The following SEPTIN7 variants were observed in gnomAD, a reference collection of about 807,000 sequenced individuals.
SEPTIN7 encodes the protein septin 7, also known as septin-7.
SEPTIN7 carries 10 observed loss-of-function variants against 63.3 expected under a neutral mutation model. The observed-to-expected ratio is 0.16, with a 90% CI of 0.10 to 0.27. SEPTIN7 has a LOEUF of 0.27. SEPTIN7 is among the 10% of genes least tolerant of loss of function. The pLI is 1.00. For missense variants in SEPTIN7, 310 were observed against 521.0 expected (o/e 0.59, Z 3.94); for synonymous variants, 131 against 165.3 (o/e 0.79, Z 1.59).
intron 12 of SEPTIN7, chr7:35,899,542 A>G (rs1464711910): frequency 6.6e-6 from 1 of 152,096 alleles, no homozygotes; most frequent in African/African-American, 2.4e-5. Flanking sequence ...CTCAAAAAAC[A>G]AACAGACAAA....
intron 10 of SEPTIN7, among the ~76,000 whole-genome samples, chr7:35,887,853 A>T (rs1489172338): frequency 6.6e-6 from 1 of 152,268 alleles, no homozygotes; most frequent in Non-Finnish European, 1.5e-5. Flanking sequence ...AGACAAAGCC[A>T]TCTAGTGGAT....
At position 35,861,092 on chromosome 7, in the gene SEPTIN7, G is replaced by C. The variant is rs185617810; in HGVS notation, c.170-2460G>C. ...TTTTTTCTTTTGCCTACTCAGTTCT[G>C]CTATTGAACCTATATAGTGAAATTT... On this transcript the variant is annotated intron_variant, in intron 3 of 13. Coordinates refer to ENST00000350320, the MANE Select transcript of SEPTIN7 (RefSeq NM_001788.6). Among the ~76,000 whole-genome samples, 5 of 152,028 alleles carry C rather than the reference G, an allele frequency of 3.3e-5. No homozygotes were observed. The East Asian group carries it at 7.7e-4, about 23-fold the overall frequency.
chr7:35,861,778 T>A (rs1785525744), intron 3 of SEPTIN7, among the ~76,000 whole-genome samples: 1 of 152,160 alleles, frequency 6.6e-6, no homozygotes, highest in Non-Finnish European at 1.5e-5. Context: ...GAGGTTAAAA[T>A]GTTACAAGTT....
At chr7:35,850,469 G>GGT (rs984668339) in intron 3 of SEPTIN7, among the ~76,000 whole-genome samples, 1 of 152,094 alleles carries the variant, frequency 6.6e-6, no homozygotes, top group African/African-American at 2.4e-5. Flanking sequence ...ACTCTAACAT[G>GGT]GTAAAACATT....
chr7:35,897,698 T>C (rs574229371), intron 11 of SEPTIN7, among the ~76,000 whole-genome samples: 3 of 152,282 alleles, frequency 2.0e-5, no homozygotes, highest in African/African-American at 7.2e-5. Context: ...ATTGAAGTTA[T>C]CATAAGGGGC....
chr7:35,904,180 G>C, intron 13 of SEPTIN7, 74 bp from the exon 14 acceptor site: 1 of 1,098,648 alleles, frequency 9.1e-7, no homozygotes, highest in Non-Finnish European at 1.3e-6. Flanking sequence ...AATTGGGTTA[G>C]CTGTTGTTAT....
At chr7:35,816,320 A>G (rs1011177857) in intron 1 of SEPTIN7, among the ~76,000 whole-genome samples, 2 of 152,210 alleles carry the variant, frequency 1.3e-5, no homozygotes, top group East Asian at 3.8e-4. Context: ...TATATAAATG[A>G]GATCATATAA....
At chr7:35,831,187 C>T (rs1214328742) in intron 1 of SEPTIN7, among the ~76,000 whole-genome samples, 1 of 152,082 alleles carries the variant, frequency 6.6e-6, no homozygotes, top group African/African-American at 2.4e-5. Flanking sequence ...TATATTTCAG[C>T]AGGACAGTTG....
intron 1 of SEPTIN7, among the ~76,000 whole-genome samples, chr7:35,827,283 T>C (rs571498769): frequency 2.0e-5 from 3 of 151,798 alleles, no homozygotes; most frequent in South Asian, 2.1e-4. Flanking sequence ...TACATACTTA[T>C]AAATGCCACA....
intron 1 of SEPTIN7, among the ~76,000 whole-genome samples, chr7:35,822,024 C>T (rs1789445296): frequency 6.6e-6 from 1 of 152,212 alleles, no homozygotes; most frequent in Non-Finnish European, 1.5e-5. Context: ...ATCCACCCGC[C>T]TTGGCCTCCC....
At chr7:35,829,916 G>A (rs568803619) in intron 1 of SEPTIN7, among the ~76,000 whole-genome samples, 17 of 152,248 alleles carry the variant, frequency 1.1e-4, no homozygotes, top group East Asian at 5.8e-4. Context: ...GGCTGGGCTC[G>A]GTGGCTTACG....
chr7:35,913,718 T>C, the SEPTIN7 span, among the ~76,000 whole-genome samples: 5 of 152,052 alleles, frequency 3.3e-5, no homozygotes. Context: ...AGCCTCCCAG[T>C]AGCTGGGACT....
At chr7:35,896,847 C>T (rs370348676) in intron 11 of SEPTIN7, among the ~76,000 whole-genome samples, 9 of 152,162 alleles carry the variant, frequency 5.9e-5, no homozygotes, top group Middle Eastern at 3.2e-3. Flanking sequence ...TACGCAATTG[C>T]GAAAACAGAT....
intron 3 of SEPTIN7, among the ~76,000 whole-genome samples, chr7:35,855,442 A>G (rs1396847555): frequency 6.6e-6 from 1 of 152,204 alleles, no homozygotes; most frequent in Non-Finnish European, 1.5e-5. Context: ...AAATTTTGAT[A>G]GATTACCAAA....
chr7:35,805,511 G>A (rs759586098), intron 1 of SEPTIN7, among the ~76,000 whole-genome samples: 3 of 152,076 alleles, frequency 2.0e-5, no homozygotes, highest in Admixed American at 6.6e-5. Context: ...TCACAGACTG[G>A]CTCATTGGTC....
rs909549851 is a variant in SEPTIN7 at position 35,874,678 on chromosome 7, T to G, written c.512+903T>G. 8.7e-4 allele frequency among the ~76,000 whole-genome samples: 132 copies of G among 152,234 alleles called. 1 individual carries two copies. The highest frequency in any genetic ancestry group is 6.8e-3 in the Middle Eastern group (2 of 294). ...TTTTTGGCTTCTTGCTCTCTTTTACTTTTTTATAGATAGGTCAATGCCCAT... is the reference window on the plus strand; with the variant it reads ...TTTTTGGCTTCTTGCTCTCTTTTACGTTTTTATAGATAGGTCAATGCCCAT... On this transcript the variant is annotated intron_variant, in intron 6 of 13. Transcript: ENST00000350320.
chr7:35,842,342 G>A (rs1485104652), intron 3 of SEPTIN7, among the ~76,000 whole-genome samples: 1 of 124,388 alleles, frequency 8.0e-6, no homozygotes, highest in Non-Finnish European at 1.7e-5. Flanking sequence ...CTCAAACTTT[G>A]TTTTTGAAAA....
intron 3 of SEPTIN7, among the ~76,000 whole-genome samples, chr7:35,834,603 C>T (rs1227720310): frequency 2.6e-5 from 4 of 152,020 alleles, no homozygotes; most frequent in African/African-American, 9.7e-5. Flanking sequence ...TCTGTTTTCC[C>T]ACTGAGCCTT....
chr7:35,887,802 A>T (rs1305278557), intron 10 of SEPTIN7, among the ~76,000 whole-genome samples: 10 of 152,256 alleles, frequency 6.6e-5, no homozygotes, highest in African/African-American at 9.6e-5. Context: ...TTCTAAAGTT[A>T]TTATTAAAAA....
Sources: allele counts gnomAD v4.1 joint callset (sites outside exome capture counted in the v4.1 genomes callset), GRCh38; gene constraint gnomAD v4.1.1; transcripts MANE v1.5; gene names NCBI Gene and HGNC (gene_info 2026-07-23, HGNC 2026-07-21).